Variants in DGKH observed in about 807,000 individuals in gnomAD.
The protein encoded by DGKH is DAG kinase eta.
DGKH carries 90 observed loss-of-function variants against 159.3 expected under a neutral mutation model. The ratio of observed to expected loss-of-function variants is 0.57; its 90% confidence interval spans 0.48 to 0.67. The LOEUF (loss-of-function observed/expected upper bound fraction) is 0.67. Ranked by LOEUF, DGKH falls within the 30% of genes least tolerant of loss-of-function variation. The pLI is 0.00. For synonymous variants in DGKH, 536 were observed against 553.8 expected (o/e 0.97, Z 0.45); for missense variants, 1,181 against 1,506.1 (o/e 0.78, Z 3.57).
In DGKH at chr13:42,229,761, G is replaced by A. The variant is rs1308245939; in HGVS notation, c.*573G>A. ...GCAAATCTTAATGCACGATGTTCCT[G>A]CCTGAAATGTCTTTCTTTTTCTTGC... On this transcript the variant is annotated 3_prime_UTR_variant, in exon 30 of 30. Transcript: ENST00000337343. The A allele has an allele frequency of 6.6e-6, 1 of 152,342 alleles. No individual in the cohort carries two copies. Among genetic ancestry groups the A allele is most frequent in the Non-Finnish European group, 1.5e-5 (1 of 68,064 alleles). The allele number at this position is 152,342 out of a possible 1,614,324, so 9.4% of individuals were successfully genotyped here.
chr13:42,090,411 T>G (rs1954393946), intron 1 of DGKH, among the ~76,000 whole-genome samples: 1 of 152,158 alleles, frequency 6.6e-6, no homozygotes, highest in Admixed American at 6.5e-5. Flanking sequence ...GTTCTAAATT[T>G]CATGTAGAAT....
At chr13:42,243,607 C>T (rs969180319), downstream of DGKH, among the ~76,000 whole-genome samples, 1 of 152,040 alleles carries the variant, frequency 6.6e-6, no homozygotes, top group Non-Finnish European at 1.5e-5. Flanking sequence ...TAGGGGAGGA[C>T]AAAGGAAGGG....
intron 30 of DGKH, chr13:42,252,558 A>G (rs1958627952): frequency 6.6e-6 from 1 of 152,510 alleles, no homozygotes; most frequent in South Asian, 2.1e-4. Context: ...GCAGAATCTC[A>G]GTGAGATATC....
chr13:42,078,846 C>T (rs1954146024), intron 1 of DGKH, among the ~76,000 whole-genome samples: 1 of 149,322 alleles, frequency 6.7e-6, no homozygotes, highest in South Asian at 2.1e-4. Flanking sequence ...TTTACTTTAA[C>T]ATACTGACAG....
intron 7 of DGKH, among the ~76,000 whole-genome samples, chr13:42,162,858 C>CT (rs35340204): frequency 6.8e-5 from 10 of 147,996 alleles, no homozygotes; most frequent in South Asian, 2.2e-4. Context: ...TTGCGTATGT[C>CT]TTTTTTTTTA....
At chr13:42,180,660 C>G (rs1174616246) in intron 13 of DGKH, among the ~76,000 whole-genome samples, 1 of 152,158 alleles carries the variant, frequency 6.6e-6, no homozygotes, top group East Asian at 1.9e-4. Context: ...GCTTGCCTGC[C>G]CTTAAGCAGA....
At chr13:42,221,044 C>T (rs1335191151) in intron 28 of DGKH, 3 of 456,968 alleles carry the variant, frequency 6.6e-6, no homozygotes, top group Non-Finnish European at 1.1e-5. Context: ...AGCATGGGTG[C>T]ACGGCAGCAA....
At chr13:42,078,909 C>T (rs1346023876) in intron 1 of DGKH, among the ~76,000 whole-genome samples, 4 of 93,576 alleles carry the variant, frequency 4.3e-5, no homozygotes, top group African/African-American at 1.9e-4. Context: ...GTATATTCTC[C>T]TTTTTTTTTT....
chr13:42,201,710 A>G (rs1037267), intron 20 of DGKH, among the ~76,000 whole-genome samples: 19,304 of 152,246 alleles, frequency 0.13, 1,618 homozygotes, highest in Admixed American at 0.22. Flanking sequence ...TGAAATACAG[A>G]CTTACAAAAG....
At chr13:42,255,625 G>A (rs1958651815) in intron 30 of DGKH, among the ~76,000 whole-genome samples, 1 of 152,048 alleles carries the variant, frequency 6.6e-6, no homozygotes, top group Non-Finnish European at 1.5e-5. Flanking sequence ...GAAGAAAAAC[G>A]TTATTCAGCA....
At chr13:42,044,048 A>T (rs1466599405), upstream of DGKH, 1 of 152,000 alleles carries the variant, frequency 6.6e-6, no homozygotes, top group African/African-American at 2.4e-5. Context: ...GCGCACCTAT[A>T]GTTCTAGATA....
chr13:42,234,401 C>G lies in DGKH; in HGVS notation c.*5213C>G, dbSNP rs1176858962. ...ACTTCTAAAGTAAAACATCTTCTATCTCCAACTGGGCTGTCAACATAGTGG... is the reference window on the plus strand; with the variant it reads ...ACTTCTAAAGTAAAACATCTTCTATGTCCAACTGGGCTGTCAACATAGTGG... On this transcript the variant is annotated 3_prime_UTR_variant, in exon 30 of 30. Coordinates refer to ENST00000337343, the MANE Select transcript of DGKH (RefSeq NM_178009.5). 6.6e-6 allele frequency: 1 copy of G among 152,172 alleles called. No homozygotes were observed. Among genetic ancestry groups the G allele is most frequent in the Non-Finnish European group, 1.5e-5 (1 of 68,030 alleles). The allele number at this position is 152,172 out of a possible 1,614,324, so 9.4% of individuals were successfully genotyped here.
intron 1 of DGKH, among the ~76,000 whole-genome samples, chr13:42,093,391 A>C (rs1227555312): frequency 6.6e-6 from 1 of 152,174 alleles, no homozygotes; most frequent in Non-Finnish European, 1.5e-5. Flanking sequence ...AATGTAGAGA[A>C]AGTGGGACCC....
downstream of DGKH, among the ~76,000 whole-genome samples, chr13:42,244,794 C>CT (rs1335346543): frequency 6.9e-6 from 1 of 145,926 alleles, no homozygotes; most frequent in Non-Finnish European, 1.5e-5. Flanking sequence ...GTCCCAGCTA[C>CT]TTGGGAGGCT....
intron 1 of DGKH, among the ~76,000 whole-genome samples, chr13:42,103,233 G>C (rs1283348494): frequency 6.6e-6 from 1 of 152,152 alleles, no homozygotes; most frequent in Non-Finnish European, 1.5e-5. Flanking sequence ...GAATGCAGCT[G>C]GGTTTTCTTC....
chr13:42,087,122 T>A (rs1954323788), intron 1 of DGKH, among the ~76,000 whole-genome samples: 1 of 147,836 alleles, frequency 6.8e-6, no homozygotes, highest in Admixed American at 6.7e-5. Flanking sequence ...TTGAAGCTCA[T>A]ACAGAACTAG....
chr13:42,158,262 G>A (rs1307827370), intron 5 of DGKH, among the ~76,000 whole-genome samples: 1 of 152,156 alleles, frequency 6.6e-6, no homozygotes, highest in African/African-American at 2.4e-5. Context: ...GATTGACTTA[G>A]AAATCCAGAA....
intron 1 of DGKH, among the ~76,000 whole-genome samples, chr13:42,104,447 G>C (rs568369113): frequency 9.5e-4 from 145 of 152,358 alleles, no homozygotes; most frequent in Middle Eastern, 3.4e-3. Context: ...GTGACATGGG[G>C]GCTTCAAACT....
At position 42,234,683 on chromosome 13, in the gene DGKH, T is replaced by A. The variant is rs1328133387; in HGVS notation, c.*5495T>A. On this transcript the variant is annotated 3_prime_UTR_variant, in exon 30 of 30. Coordinates refer to ENST00000337343, the MANE Select transcript of DGKH (RefSeq NM_178009.5). ...AAGAAGAGTGAGAATTGAAAATTCCTCCACTAGTAATTGTTAGCCAATAGA... is the reference window on the plus strand; with the variant it reads ...AAGAAGAGTGAGAATTGAAAATTCCACCACTAGTAATTGTTAGCCAATAGA... The A allele has an allele frequency of 6.6e-6, 1 of 152,208 alleles. No homozygotes were observed. The highest frequency in any genetic ancestry group is 1.5e-5 in the Non-Finnish European group (1 of 68,036). The allele number at this position is 152,208 out of a possible 1,614,324, so 9.4% of individuals were successfully genotyped here.
Sources: gnomAD v4.1 joint callset for allele counts (sites outside exome capture counted in the v4.1 genomes callset) on GRCh38, gnomAD v4.1.1 for gene constraint, MANE v1.5 for transcripts, NCBI Gene and HGNC (gene_info 2026-07-23, HGNC 2026-07-21) for gene names.